The following CES4A variants were observed in gnomAD, a reference collection of about 807,000 sequenced individuals.
CES4A encodes the protein carboxylesterase 6.
Under a neutral mutation model 65.4 loss-of-function variants are expected in CES4A, and 48 were observed. The ratio of observed to expected loss-of-function variants is 0.73; its 90% confidence interval spans 0.58 to 0.93. The LOEUF (loss-of-function observed/expected upper bound fraction) is 0.93. Among genes scored for constraint, CES4A ranks in the 40% least tolerant of loss-of-function variants. CES4A has a pLI of 0.00. For synonymous variants in CES4A, 247 were observed against 281.8 expected, an observed-to-expected ratio of 0.88 and a Z score of 1.24; for missense variants, 685 against 728.5, an observed-to-expected ratio of 0.94 and a Z score of 0.69.
chr16:66,994,826 C>T (rs1172416749), intron 1 of CES4A, among the ~76,000 whole-genome samples: 5 of 130,660 alleles, frequency 3.8e-5, no homozygotes, highest in African/African-American at 1.4e-4. Flanking sequence ...GCAAAAACAG[C>T]GAAACTCCAT....
In CES4A at chr16:67,000,602, C is replaced by A; in HGVS notation, c.261-36C>A. The A allele has an allele frequency of 1.3e-6, 2 of 1,523,030 alleles. No individual in the cohort carries two copies. The highest frequency in any genetic ancestry group is 2.5e-5 in the East Asian group (1 of 40,318). 94.3% of individuals were successfully genotyped at this position (1,523,030 alleles called of 1,614,324 possible). A position where few individuals can be genotyped will look rare whatever the true frequency, so the allele number is the denominator to read the frequency against. On this transcript the variant is annotated intron_variant, in intron 2 of 13. Transcript: ENST00000648724. The surrounding 1 kb of genome is among the most constrained non-coding windows in gnomAD (Gnocchi z 4.2). ...ACTGCGGACCCTGGATTGAAACGAT[C>A]TCCCCGCGGCCGCCGCCGCTACCTG...
rs1283954563 is a variant in CES4A at position 66,995,609 on chromosome 16, T to TC, written c.59-19_59-18insC. The TC allele has an allele frequency of 6.2e-6, 10 of 1,608,256 alleles. No individual in the cohort carries two copies. The highest frequency in any genetic ancestry group is 8.5e-6 in the Non-Finnish European group (10 of 1,174,944). ...CTGGGTGACTGAGCAGAGGTGACCC[T>TC]TTTCCCTTCTCTTCCCAGGTGCCTT... On this transcript the variant is annotated intron_variant, in intron 1 of 13. Coordinates refer to ENST00000648724, the Ensembl canonical transcript of CES4A.
chr16:67,001,227 G>T lies in CES4A; in HGVS notation c.537-81G>T. On this transcript the variant is annotated intron_variant, in intron 4 of 13. Transcript: ENST00000648724. The surrounding 1 kb of genome is among the most constrained non-coding windows in gnomAD (Gnocchi z 4.1). ...TCTTAGAGGGGCAAGGCTGGGCTGG[G>T]TGGGGGAAGCCCAGGAGGGCAGCCC... 10 of 1,468,418 alleles carry T rather than the reference G, an allele frequency of 6.8e-6. No individual in the cohort carries two copies. Among genetic ancestry groups the T allele is most frequent in the Non-Finnish European group, 9.0e-6 (10 of 1,108,468 alleles). The allele number at this position is 1,468,418 out of a possible 1,614,324, so 91.0% of individuals were successfully genotyped here. A position where few individuals can be genotyped will look rare whatever the true frequency, so the allele number is the denominator to read the frequency against.
intron 5 of CES4A, 122 bp from the exon 6 acceptor site, chr16:67,002,948 C>T (rs1965468838): frequency 1.3e-6 from 1 of 787,630 alleles, no homozygotes; most frequent in Non-Finnish European, 2.2e-6. Flanking sequence ...CTGACTCCCT[C>T]CCAGCTACTT....
At chr16:66,999,345 G>A (rs1965103659) in intron 2 of CES4A, among the ~76,000 whole-genome samples, 1 of 152,244 alleles carries the variant, frequency 6.6e-6, no homozygotes, top group South Asian at 2.1e-4. Context: ...GGTGGCCGGA[G>A]AGCCCATGCT....
intron 11 of CES4A, chr16:67,005,723 C>T: frequency 4.1e-6 from 1 of 243,532 alleles, no homozygotes; most frequent in Non-Finnish European, 7.9e-6. Context: ...GTGGCGCATG[C>T]CTATAGTCCC....
chr16:67,006,595 G>A, intron 12 of CES4A, 76 bp downstream of exon 12: 1 of 1,566,220 alleles, frequency 6.4e-7, no homozygotes, highest in Non-Finnish European at 8.7e-7. Flanking sequence ...CCCTCCATTG[G>A]CTGGCCACAG....
chr16:67,009,640 T>G (rs1966031714), exon 14 of CES4A: 1 of 155,426 alleles, frequency 6.4e-6, no homozygotes, highest in African/African-American at 2.4e-5. Flanking sequence ...TTTTGGTAGT[T>G]TGGGATCTTC....
rs540963035 is a variant in CES4A at position 66,997,944 on chromosome 16, C to A, written c.260+2115C>A. On this transcript the variant is annotated intron_variant, in intron 2 of 13. Coordinates refer to ENST00000648724, the Ensembl canonical transcript of CES4A. Reference sequence around the variant, plus strand: ...CCTGAGAGACAGAGTGAGACCCTATCTAAAACACACACACACACACACACA... The same window carrying A: ...CCTGAGAGACAGAGTGAGACCCTATATAAAACACACACACACACACACACA... Among the ~76,000 whole-genome samples the A allele has an allele frequency of 5.4e-3, 699 of 129,310 alleles. 10 individuals carry two copies. The highest frequency in any genetic ancestry group is 5.7e-3 in the Non-Finnish European group (361 of 63,122). The allele number at this position is 129,310 out of a possible 152,430, so 84.8% of individuals were successfully genotyped here. A position where few individuals can be genotyped will look rare whatever the true frequency, so the allele number is the denominator to read the frequency against.
At chr16:66,998,624 T>C (rs576951234) in intron 2 of CES4A, among the ~76,000 whole-genome samples, 1 of 152,218 alleles carries the variant, frequency 6.6e-6, no homozygotes, top group East Asian at 1.9e-4. Context: ...ATCCCAGCAC[T>C]TTGGGAGGAA....
rs1567578701 is a variant in CES4A at position 67,000,433 on chromosome 16, A to G, written c.261-205A>G. On this transcript the variant is annotated intron_variant, in intron 2 of 13. Coordinates refer to ENST00000648724, the Ensembl canonical transcript of CES4A. The surrounding 1 kb of genome is among the most constrained non-coding windows in gnomAD (Gnocchi z 4.2). ...GACTGAGGCGCCGGGCAGGGAGGGG[A>G]TGGTTCCTGAGAGGCCAACCTGCCT... 2 of 1,372,978 alleles carry G rather than the reference A, an allele frequency of 1.5e-6. No homozygotes were observed. 85.0% of individuals were successfully genotyped at this position (1,372,978 alleles called of 1,614,324 possible). A position where few individuals can be genotyped will look rare whatever the true frequency, so the allele number is the denominator to read the frequency against.
At chr16:66,995,868 G>C (rs1263033609) in intron 2 of CES4A, 39 bp downstream of exon 2, 2 of 1,566,528 alleles carry the variant, frequency 1.3e-6, no homozygotes. Context: ...GGGGGCAATG[G>C]GCCTATGCCT....
At chr16:66,993,687 C>T (rs142804891) in intron 1 of CES4A, among the ~76,000 whole-genome samples, 1 of 152,264 alleles carries the variant, frequency 6.6e-6, no homozygotes, top group East Asian at 1.9e-4. Context: ...CTCACATGTA[C>T]CTATATCATA....
intron 13 of CES4A, chr16:67,007,022 C>T: frequency 1.8e-6 from 1 of 570,156 alleles, no homozygotes; most frequent in Non-Finnish European, 3.1e-6. Flanking sequence ...ATCCATGACC[C>T]ACACTCTTCA....
chr16:66,988,647 G>C, exon 1 of CES4A: 1 of 1,508,900 alleles, frequency 6.6e-7, no homozygotes, highest in Non-Finnish European at 8.9e-7. Flanking sequence ...CCCAGTACTT[G>C]CTGGCAGGGA....
chr16:67,009,029 T>C (rs1169192459), exon 14 of CES4A: 1 of 1,614,174 alleles, frequency 6.2e-7, no homozygotes, highest in African/African-American at 1.3e-5. Context: ...GGATGAAAAG[T>C]ACCTGCAGCT....
exon 14 of CES4A, chr16:67,009,119 C>T: frequency 6.2e-7 from 1 of 1,612,620 alleles, no homozygotes; most frequent in African/African-American, 1.3e-5. Flanking sequence ...GTCTCAAAGA[C>T]CTGAGAAGCA....
In CES4A at chr16:67,003,994, C is replaced by G. The variant is rs947606069; in HGVS notation, c.940-90C>G. The G allele has an allele frequency of 1.5e-5, 20 of 1,363,138 alleles. No individual in the cohort carries two copies. In the Admixed American group the frequency reaches 3.3e-4, roughly 23 times the overall value. 84.4% of individuals were successfully genotyped at this position (1,363,138 alleles called of 1,614,324 possible). ...CCTTTTCCCAATCAAAGAACCTAGG[C>G]TAGAGCAGCCTCTGAAGGGGCACCC... is the stretch of plus-strand genomic sequence containing the variant. On this transcript the variant is annotated intron_variant, in intron 8 of 13. Coordinates refer to ENST00000648724, the Ensembl canonical transcript of CES4A. This position sits in a 1 kb window ranked among gnomAD's most constrained non-coding sequence, Gnocchi z 4.2.
At chr16:67,002,168 A>T (rs1469043388) in intron 5 of CES4A, among the ~76,000 whole-genome samples, 1 of 152,218 alleles carries the variant, frequency 6.6e-6, no homozygotes, top group African/African-American at 2.4e-5. Flanking sequence ...AGAGGAAAAA[A>T]AAATTTTTTT....
Sources: allele counts gnomAD v4.1 joint callset (sites outside exome capture counted in the v4.1 genomes callset), GRCh38; gene constraint gnomAD v4.1.1; non-coding constraint Gnocchi (gnomAD v3.1); transcripts MANE v1.5; gene names NCBI Gene and HGNC (gene_info 2026-07-23, HGNC 2026-07-21).